RGMA: variants seen among roughly 807,000 people sequenced by gnomAD.
The protein encoded by RGMA is repulsive guidance molecule A.
In RGMA, 10 loss-of-function variants were observed where a neutral mutation model predicts 23.2. The observed-to-expected ratio is 0.43, with a 90% confidence interval of 0.27 to 0.73. The LOEUF is 0.73. Among genes scored for constraint, RGMA ranks in the 30% least tolerant of loss-of-function variants. RGMA has a pLI of 0.20. For missense variants in RGMA, 547 were observed against 630.5 expected (o/e 0.87, Z 1.42); for synonymous variants, 308 against 279.3 (o/e 1.10, Z -1.03).
chr15:93,088,759 A>C, intron 1 of RGMA, 160 bp downstream of exon 1: 1 of 788,808 alleles, frequency 1.3e-6, no homozygotes, highest in South Asian at 1.7e-5. Context: ...CCAACAGCTA[A>C]AGCGATAGAG....
intron 2 of RGMA, among the ~76,000 whole-genome samples, chr15:93,061,618 A>C (rs1261486328): frequency 6.6e-6 from 1 of 152,232 alleles, no homozygotes; most frequent in African/African-American, 2.4e-5. Context: ...GAGAGAAAGA[A>C]AACTCACAGC....
At chr15:93,056,450 C>T (rs2055016132) in intron 2 of RGMA, among the ~76,000 whole-genome samples, 1 of 152,192 alleles carries the variant, frequency 6.6e-6, no homozygotes, top group African/African-American at 2.4e-5. Context: ...CCTTCTCCTG[C>T]TCCTCTCCTC....
intron 2 of RGMA, among the ~76,000 whole-genome samples, chr15:93,060,611 G>T (rs1028549882): frequency 6.6e-6 from 1 of 152,200 alleles, no homozygotes; most frequent in African/African-American, 2.4e-5. Flanking sequence ...CTCCTGACTC[G>T]AGCAATCCAG....
chr15:93,081,755 A>G (rs1416098778), intron 1 of RGMA, among the ~76,000 whole-genome samples: 2 of 152,252 alleles, frequency 1.3e-5, no homozygotes, highest in African/African-American at 4.8e-5. Flanking sequence ...CAGATAACCA[A>G]GTTGTTCATC....
In RGMA at chr15:93,078,929, T is replaced by C. The variant is rs977806791; in HGVS notation, c.15-5898A>G. On this transcript the variant is annotated intron_variant, in intron 1 of 3. Transcript: ENST00000329082. ...ACAGACTGGACAAAGTCCATTTTCC[T>C]GTAATTTGGATTATGTTCTCATAAA... is the stretch of plus-strand genomic sequence containing the variant. Among the ~76,000 whole-genome samples the C allele has an allele frequency of 2.6e-5, 4 of 152,244 alleles. No individual in the cohort carries two copies. In the East Asian group the frequency reaches 7.7e-4, roughly 29 times the overall value.
intron 2 of RGMA, among the ~76,000 whole-genome samples, chr15:93,053,230 T>C (rs149140383): frequency 5.3e-5 from 8 of 152,322 alleles, no homozygotes; most frequent in African/African-American, 1.9e-4. Flanking sequence ...CTTTGAGACT[T>C]TAGTGACAAT....
intron 2 of RGMA, among the ~76,000 whole-genome samples, chr15:93,057,044 C>A (rs551212924): frequency 6.6e-6 from 1 of 152,288 alleles, no homozygotes; most frequent in South Asian, 2.1e-4. Flanking sequence ...TCCCTCCTTC[C>A]CCGGGGTAGG....
chr15:93,046,655 T>C (rs967172362), intron 3 of RGMA, among the ~76,000 whole-genome samples: 1 of 151,812 alleles, frequency 6.6e-6, no homozygotes, highest in Non-Finnish European at 1.5e-5. Flanking sequence ...TAGGGCAAAA[T>C]CCATGCAAGC....
At chr15:93,059,216 C>A (rs887691643) in intron 2 of RGMA, among the ~76,000 whole-genome samples, 2 of 152,186 alleles carry the variant, frequency 1.3e-5, no homozygotes, top group Non-Finnish European at 2.9e-5. Context: ...CCCAGCTCCC[C>A]CAAGGCCCAA....
At chr15:93,073,208 T>C (rs2141841622) in intron 1 of RGMA, 177 bp from the exon 2 acceptor site, 1 of 1,168,080 alleles carries the variant, frequency 8.6e-7, no homozygotes, top group East Asian at 4.0e-5. Context: ...CATCCATCAC[T>C]CGGTTCTCCG....
intron 1 of RGMA, chr15:93,073,957 C>G: frequency 7.0e-7 from 1 of 1,425,010 alleles, no homozygotes; most frequent in Non-Finnish European, 9.1e-7. Flanking sequence ...GCGAGGCCCG[C>G]AAGGCTGCAC....
rs527385576 is a variant in RGMA at position 93,039,335 on chromosome 15, C to T, written c.*5663G>A. On this transcript the variant is annotated 3_prime_UTR_variant, in exon 4 of 4. Transcript: ENST00000329082. Reference sequence around the variant, plus strand: ...CGTGGTCTCCTGTCAAGCTCGCTCTCTCCCCAAGCCCTGTCAGCCCCACCT... The same window carrying T: ...CGTGGTCTCCTGTCAAGCTCGCTCTTTCCCCAAGCCCTGTCAGCCCCACCT... 6.6e-6 allele frequency: 1 copy of T among 152,272 alleles called. No homozygotes were observed. The highest frequency in any genetic ancestry group is 2.1e-4 in the South Asian group (1 of 4,814). 9.4% of individuals were successfully genotyped at this position (152,272 alleles called of 1,614,324 possible).
At position 93,039,765 on chromosome 15, in the gene RGMA, T is replaced by C. The variant is rs8031157; in HGVS notation, c.*5233A>G. On this transcript the variant is annotated 3_prime_UTR_variant, in exon 4 of 4. Coordinates refer to ENST00000329082, the MANE Select transcript of RGMA (RefSeq NM_020211.3). ...GCTGCATAGTACTCCATGGCGTATA[T>C]GTGCCACATTTTCTTTATCCAGTCT... is the stretch of plus-strand genomic sequence containing the variant. 0.17 allele frequency: 25,945 copies of C among 152,208 alleles called. 4,749 individuals carry two copies. Among genetic ancestry groups the C allele is most frequent in the African/African-American group, 0.46 (19,254 of 41,428 alleles). The allele number at this position is 152,208 out of a possible 1,614,324, so 9.4% of individuals were successfully genotyped here. A position where few individuals can be genotyped will look rare whatever the true frequency, so the allele number is the denominator to read the frequency against.
chr15:93,084,313 T>C (rs1472594342), intron 1 of RGMA, among the ~76,000 whole-genome samples: 3 of 152,232 alleles, frequency 2.0e-5, no homozygotes, highest in Non-Finnish European at 2.9e-5. Context: ...AAGCCTCTTT[T>C]GGATGAGCAT....
intron 2 of RGMA, among the ~76,000 whole-genome samples, chr15:93,064,570 C>A (rs143081212): frequency 6.6e-6 from 1 of 152,248 alleles, no homozygotes; most frequent in African/African-American, 2.4e-5. Context: ...AGCCTGCGCA[C>A]ACGCGTGTGT....
intron 2 of RGMA, among the ~76,000 whole-genome samples, chr15:93,071,222 AAT>A (rs1895311789): frequency 6.6e-6 from 1 of 152,190 alleles, no homozygotes; most frequent in African/African-American, 2.4e-5. Flanking sequence ...CAAGAACACA[AAT>A]TGCAAACTCC....
chr15:93,047,984 C>T (rs1248923846), intron 3 of RGMA, among the ~76,000 whole-genome samples: 3 of 152,138 alleles, frequency 2.0e-5, no homozygotes, highest in Non-Finnish European at 2.9e-5. Context: ...CAGCATGAGG[C>T]CATCCTGTTC....
chr15:93,059,330 G>A (rs1347272979), intron 2 of RGMA, among the ~76,000 whole-genome samples: 3 of 152,174 alleles, frequency 2.0e-5, no homozygotes, highest in Non-Finnish European at 2.9e-5. Context: ...AGGTCTGTGC[G>A]GAGCCCACCA....
chr15:93,044,589 G>A lies in RGMA; in HGVS notation c.*409C>T, dbSNP rs1303378417. The A allele has an allele frequency of 4.8e-5, 12 of 251,178 alleles. No homozygotes were observed. Among genetic ancestry groups the A allele is most frequent in the Non-Finnish European group, 7.8e-5 (10 of 128,906 alleles). 15.6% of individuals were successfully genotyped at this position (251,178 alleles called of 1,614,324 possible). A position where few individuals can be genotyped will look rare whatever the true frequency, so the allele number is the denominator to read the frequency against. Reference sequence around the variant, plus strand: ...GTAAGAGTGTGTGCGTGCGTGTGGCGGGCACAGGGGGCCCCACGGATCGGC... The same window carrying A: ...GTAAGAGTGTGTGCGTGCGTGTGGCAGGCACAGGGGGCCCCACGGATCGGC... On this transcript the variant is annotated 3_prime_UTR_variant, in exon 4 of 4. Transcript: ENST00000329082.
Sources: allele counts gnomAD v4.1 joint callset (sites outside exome capture counted in the v4.1 genomes callset), GRCh38; gene constraint gnomAD v4.1.1; transcripts MANE v1.5; gene names NCBI Gene and HGNC (gene_info 2026-07-23, HGNC 2026-07-21).